YKT6: variants seen among roughly 807,000 people sequenced by gnomAD.
The protein encoded by YKT6 is synaptobrevin homolog YKT6.
Under a neutral mutation model 29.3 loss-of-function variants are expected in YKT6, and 12 were observed. That is an observed-to-expected ratio of 0.41 (90% CI 0.26 to 0.66). The LOEUF is 0.66. Among genes scored for constraint, YKT6 ranks in the 30% least tolerant of loss-of-function variants. The probability of loss-of-function intolerance (pLI) is 0.32; values close to 1 mark genes in which losing one functional copy is unlikely to be tolerated. For synonymous variants in YKT6, 86 were observed against 94.3 expected (o/e 0.91, Z 0.51); for missense variants, 188 against 243.8 (o/e 0.77, Z 1.52).
At chr7:44,206,617 C>G in intron 3 of YKT6, 132 bp downstream of exon 3, 1 of 839,340 alleles carries the variant, frequency 1.2e-6, no homozygotes, top group Non-Finnish European at 1.9e-6. Flanking sequence ...CATTTTTCAG[C>G]CCCCTTCCCT....
In YKT6 at chr7:44,213,162, A is replaced by C. The variant is rs1309847823; in HGVS notation, c.*880A>C. ...TCTGGGACACTTGCCTTGACTTGCA[A>C]CTTGCCTTGAACATCACGATCAAAG... On this transcript the variant is annotated 3_prime_UTR_variant, in exon 7 of 7. Coordinates refer to ENST00000223369, the MANE Select transcript of YKT6 (RefSeq NM_006555.4). 6.6e-6 allele frequency: 1 copy of C among 152,240 alleles called. No individual in the cohort carries two copies. The highest frequency in any genetic ancestry group is 1.9e-4 in the East Asian group (1 of 5,200). The allele number at this position is 152,240 out of a possible 1,614,324, so 9.4% of individuals were successfully genotyped here.
intron 1 of YKT6, among the ~76,000 whole-genome samples, chr7:44,204,352 G>C (rs2128838813): frequency 6.6e-6 from 1 of 152,290 alleles, no homozygotes; most frequent in Middle Eastern, 3.4e-3. Context: ...GTTTTGGTGA[G>C]CCAGGTAGCA....
At position 44,200,979 on chromosome 7, in the gene YKT6, G is replaced by C. The variant is rs921933170; in HGVS notation, c.-157G>C. On this transcript the variant is annotated 5_prime_UTR_variant, in exon 1 of 7. Coordinates refer to ENST00000223369, the MANE Select transcript of YKT6 (RefSeq NM_006555.4). ...ACCAGGCTGACCGGATCCGGAAGTG[G>C]ATTGCGAGCCAGGAGGAGGAAGCCG... is the stretch of plus-strand genomic sequence containing the variant. 5.2e-6 allele frequency: 3 copies of C among 571,644 alleles called. No individual in the cohort carries two copies. Among genetic ancestry groups the C allele is most frequent in the Non-Finnish European group, 9.0e-6 (3 of 332,352 alleles). 35.4% of individuals were successfully genotyped at this position (571,644 alleles called of 1,614,324 possible).
At chr7:44,201,602 C>T (rs915152382) in intron 1 of YKT6, among the ~76,000 whole-genome samples, 2 of 152,168 alleles carry the variant, frequency 1.3e-5, no homozygotes, top group Non-Finnish European at 2.9e-5. Flanking sequence ...TTTAAGGAGA[C>T]TGTGAAGTAG....
chr7:44,202,981 T>C (rs1357456282), intron 1 of YKT6, among the ~76,000 whole-genome samples: 5 of 152,192 alleles, frequency 3.3e-5, no homozygotes, highest in Non-Finnish European at 5.9e-5. Context: ...GTAGGACTTA[T>C]ACCTCACCTG....
At chr7:44,206,547 A>T (rs919120709) in intron 3 of YKT6, 62 bp downstream of exon 3, 1 of 1,442,882 alleles carries the variant, frequency 6.9e-7, no homozygotes, top group South Asian at 1.1e-5. Flanking sequence ...ATGGACTGGG[A>T]CAGGGGTTGA....
At chr7:44,206,654 C>G (rs2096341225) in intron 3 of YKT6, among the ~76,000 whole-genome samples, 169 bp downstream of exon 3, 1 of 152,198 alleles carries the variant, frequency 6.6e-6, no homozygotes, top group African/African-American at 2.4e-5. Flanking sequence ...TTTGGCATCC[C>G]TGTATGGGTT....
Position 44,201,185 on chromosome 7 carries a change from T to A in YKT6, c.50T>A (p.Val17Glu). The change falls in exon 1 of 7, where the codon GTG becomes GAG. Residue 17 changes from valine to glutamate, a missense_variant. Coordinates refer to ENST00000223369, the MANE Select transcript of YKT6 (RefSeq NM_006555.4). The stretch of plus-strand genomic sequence containing the variant: ...CTCTACAAAGGCGAGGCCAAGGTGG[T>A]GCTGCTCAAAGCCGCATACGATGTG... ...SVLYKGEAKV[V>E]LLKAAYDVSS... is the part of the protein sequence containing the mutation. 1.9e-6 allele frequency: 3 copies of A among 1,612,934 alleles called. No individual in the cohort carries two copies. Among genetic ancestry groups the A allele is most frequent in the Non-Finnish European group, 2.5e-6 (3 of 1,179,436 alleles).
At chr7:44,202,753 C>G (rs897018129) in intron 1 of YKT6, among the ~76,000 whole-genome samples, 2 of 152,168 alleles carry the variant, frequency 1.3e-5, no homozygotes. Context: ...TCTTCAAGAC[C>G]CTGCTCGCAT....
At chr7:44,207,549 G>A in intron 4 of YKT6, 57 bp downstream of exon 4, 1 of 1,512,286 alleles carries the variant, frequency 6.6e-7, no homozygotes, top group Non-Finnish European at 9.2e-7. Flanking sequence ...ATGTGAAACT[G>A]AAAAAGCCAA....
chr7:44,209,382 T>C (rs2128840209), intron 5 of YKT6, among the ~76,000 whole-genome samples: 1 of 152,364 alleles, frequency 6.6e-6, no homozygotes, highest in South Asian at 2.1e-4. Flanking sequence ...TCATGGTATC[T>C]GTGTCTTTTG....
chr7:44,210,628 T>C, intron 5 of YKT6: 1 of 356,106 alleles, frequency 2.8e-6, no homozygotes. Context: ...TACAATCATA[T>C]AGTGCCCAGC....
intron 2 of YKT6, among the ~76,000 whole-genome samples, chr7:44,206,125 C>G (rs934769623): frequency 6.6e-6 from 1 of 152,168 alleles, no homozygotes; most frequent in Non-Finnish European, 1.5e-5. Context: ...GTTTTCTGCA[C>G]CACTGGCTGT....
intron 4 of YKT6, 54 bp from the exon 5 acceptor site, chr7:44,208,079 T>C: frequency 6.3e-7 from 1 of 1,584,182 alleles, no homozygotes; most frequent in Non-Finnish European, 8.6e-7. Context: ...TTTTAGGTTT[T>C]GTTTGCAGGT....
intron 1 of YKT6, among the ~76,000 whole-genome samples, chr7:44,201,681 A>T (rs935005402): frequency 1.3e-5 from 2 of 152,208 alleles, no homozygotes; most frequent in Non-Finnish European, 2.9e-5. Context: ...TTTATATTTT[A>T]GACCAACACT....
At position 44,212,303 on chromosome 7, in the gene YKT6, A is replaced by C. The variant is rs766578793; in HGVS notation, c.*21A>C. On this transcript the variant is annotated 3_prime_UTR_variant, in exon 7 of 7. Coordinates refer to ENST00000223369, the MANE Select transcript of YKT6 (RefSeq NM_006555.4). The stretch of plus-strand genomic sequence containing the variant: ...TGTGATGCAGCCTGCCAGAGGCCCA[A>C]TGCTGGAATGGCACCATCATTCACA... 1.2e-6 allele frequency: 2 copies of C among 1,613,440 alleles called. No individual in the cohort carries two copies. Among genetic ancestry groups the C allele is most frequent in the African/African-American group, 2.7e-5 (2 of 75,074 alleles).
At chr7:44,211,244 G>T in intron 6 of YKT6, 120 bp downstream of exon 6, 1 of 937,300 alleles carries the variant, frequency 1.1e-6, no homozygotes, top group Non-Finnish European at 1.6e-6. Context: ...CATGGTGGAT[G>T]ATTCCTTGTG....
Position 44,212,419 on chromosome 7 carries a change from C to G in YKT6, c.*137C>G, listed in dbSNP as rs12670584. 0.072 allele frequency: 79,173 copies of G among 1,097,616 alleles called. 2,955 individuals are homozygous for G. Among genetic ancestry groups the G allele is most frequent in the East Asian group, 0.08 (3,342 of 41,530 alleles). 68.0% of individuals were successfully genotyped at this position (1,097,616 alleles called of 1,614,324 possible). A position where few individuals can be genotyped will look rare whatever the true frequency, so the allele number is the denominator to read the frequency against. ...GGCCATTTTTATTTTGAAGTTCCTG[C>G]GAGAAATGGATGGTGGAAGGGTGGC... On this transcript the variant is annotated 3_prime_UTR_variant, in exon 7 of 7. Transcript: ENST00000223369.
Position 44,204,569 on chromosome 7 carries a change from G to C in YKT6, c.106G>C (p.Val36Leu). Residue 36 changes from valine to leucine, a missense_variant and splice_region_variant, in exon 2 of 7, where the codon GTT becomes CTT. By Grantham distance (32) the Val-to-Leu change is conservative (BLOSUM62 1). Around this residue, in one of 3 missense-constraint regions of YKT6, gnomAD observed 71 missense variants for 67.3 expected, o/e 1.05. Transcript: ENST00000223369. ...SSFSFFQRSS[V>L]QEFMTFTSQL... ...ATAAATACATTTTGTGTTTCTTAGCGTTCAGGAATTCATGACCTTCACGAG... is the reference window on the plus strand; with the variant it reads ...ATAAATACATTTTGTGTTTCTTAGCCTTCAGGAATTCATGACCTTCACGAG... 1 of 1,614,118 alleles carries C rather than the reference G, an allele frequency of 6.2e-7. No homozygotes were observed. The highest frequency in any genetic ancestry group is 1.1e-5 in the South Asian group (1 of 91,072).
Sources: gnomAD v4.1 joint callset for allele counts (sites outside exome capture counted in the v4.1 genomes callset) on GRCh38, gnomAD v4.1.1 for gene constraint, gnomAD v4.1.1 regional missense constraint, MANE v1.5 for transcripts, NCBI Gene and HGNC (gene_info 2026-07-23, HGNC 2026-07-21) for gene names.